Variants in EIF2AK4 observed in about 807,000 individuals in gnomAD.
EIF2AK4 encodes eIF-2-alpha kinase GCN2.
Under a neutral mutation model 211.1 loss-of-function variants are expected in EIF2AK4, and 139 were observed. That is an observed-to-expected ratio of 0.66 (90% CI 0.57 to 0.76). EIF2AK4 has a LOEUF of 0.76. Among genes scored for constraint, EIF2AK4 ranks in the 30% least tolerant of loss-of-function variants. The pLI is 0.00. For synonymous variants in EIF2AK4, 710 were observed against 751.3 expected, an observed-to-expected ratio of 0.94 and a Z score of 0.90; for missense variants, 1,664 against 2,043.8, an observed-to-expected ratio of 0.81 and a Z score of 3.58.
chr15:39,944,428 ATC>A (rs1241493218), intron 3 of EIF2AK4, among the ~76,000 whole-genome samples: 1 of 102,780 alleles, frequency 9.7e-6, no homozygotes, highest in African/African-American at 4.4e-5. Context: ...ATGTTTAACG[ATC>A]TCTTTTTTTT....
intron 10 of EIF2AK4, among the ~76,000 whole-genome samples, chr15:39,973,252 C>T (rs2140916518): frequency 6.6e-6 from 1 of 152,108 alleles, no homozygotes. Context: ...GTTTAGTCAC[C>T]CATAGTGCCA....
Position 39,963,659 on chromosome 15 carries a change from A to G in EIF2AK4, c.859+1760A>G, listed in dbSNP as rs529306810. 3.7e-3 allele frequency among the ~76,000 whole-genome samples: 558 copies of G among 152,334 alleles called. 4 individuals are homozygous for G. The highest frequency in any genetic ancestry group is 5.9e-3 in the Non-Finnish European group (399 of 68,030). On this transcript the variant is annotated intron_variant, in intron 7 of 38. Coordinates refer to ENST00000263791, the MANE Select transcript of EIF2AK4 (RefSeq NM_001013703.4). ...AGAGAACTTACTTATAGATATGACT[A>G]TAGCACTATAGAGACTGTCTGCATA...
At position 39,973,019 on chromosome 15, in the gene EIF2AK4, G is replaced by A; in HGVS notation, c.1660+5G>A. ...TAGTGGAACAAAGTCCTGAAGGTGAGTCTGTTACCTTTCTTTATTTGGTAA... is the reference window on the plus strand; with the variant it reads ...TAGTGGAACAAAGTCCTGAAGGTGAATCTGTTACCTTTCTTTATTTGGTAA... On this transcript the variant is annotated splice_donor_5th_base_variant and intron_variant, in intron 10 of 38. Transcript: ENST00000263791. 1 of 1,608,226 alleles carries A rather than the reference G, an allele frequency of 6.2e-7. No homozygotes were observed. The highest frequency in any genetic ancestry group is 8.5e-7 in the Non-Finnish European group (1 of 1,174,782).
rs182166837 is a variant in EIF2AK4, at chr15:40,017,531, A to G, written c.4065+289A>G. Among the ~76,000 whole-genome samples, 25 of 39,244 alleles carry G rather than the reference A, an allele frequency of 6.4e-4. 2 individuals carry two copies. The highest frequency in any genetic ancestry group is 4.8e-3 in the East Asian group (6 of 1,252). The allele number at this position is 39,244 out of a possible 152,430, so 25.7% of individuals were successfully genotyped here. A position where few individuals can be genotyped will look rare whatever the true frequency, so the allele number is the denominator to read the frequency against. The stretch of plus-strand genomic sequence containing the variant: ...TATATATATATATATATATATATAT[A>G]TATATATATATATATATATATATGT... On this transcript the variant is annotated intron_variant, in intron 29 of 38. Coordinates refer to ENST00000263791, the MANE Select transcript of EIF2AK4 (RefSeq NM_001013703.4).
At chr15:39,955,857 T>A (rs2034383818) in intron 6 of EIF2AK4, 89 bp downstream of exon 6, 1 of 1,415,868 alleles carries the variant, frequency 7.1e-7, no homozygotes, top group Non-Finnish European at 9.4e-7. Flanking sequence ...GATGGAAATT[T>A]CAGGCGATAG....
At chr15:40,028,497 G>A (rs956452593) in intron 33 of EIF2AK4, among the ~76,000 whole-genome samples, 2 of 152,086 alleles carry the variant, frequency 1.3e-5, no homozygotes, top group African/African-American at 2.4e-5. Flanking sequence ...ATCTAGGAGA[G>A]GCCAGGGATA....
At chr15:39,967,958 G>A in intron 9 of EIF2AK4, 79 bp downstream of exon 9, 2 of 1,432,134 alleles carry the variant, frequency 1.4e-6, no homozygotes, top group Non-Finnish European at 1.9e-6. Flanking sequence ...AGACATCTAA[G>A]TGATGTGGAA....
intron 18 of EIF2AK4, 132 bp downstream of exon 18, chr15:39,992,980 G>T: frequency 1.2e-6 from 1 of 827,066 alleles, no homozygotes; most frequent in Non-Finnish European, 2.0e-6. Context: ...AGGACTCATG[G>T]TCCTAAGGAT....
chr15:40,017,551 A>ATATATATGTATGTATG (rs71132134), intron 29 of EIF2AK4, among the ~76,000 whole-genome samples: 44 of 86,894 alleles, frequency 5.1e-4, no homozygotes, highest in Non-Finnish European at 7.4e-4. Flanking sequence ...ATATATATAT[A>ATATATATGTATGTATG]TATGTATTTT....
chr15:40,032,801 G>C lies in EIF2AK4; in HGVS notation c.4773G>C (p.Glu1591Asp). Residue 1591 changes from glutamate (E) to aspartate (D), a missense_variant and splice_region_variant, in exon 37 of 39, where the codon GAG becomes GAC. Glu to Asp is a conservative substitution (Grantham distance 45). Around this residue, in one of 7 missense-constraint regions of EIF2AK4, gnomAD observed 138 missense variants for 165.1 expected, o/e 0.84. Transcript: ENST00000263791. ...KETILQFLSLEWDADEQAFNT... is the reference protein window; with the variant it reads ...KETILQFLSLDWDADEQAFNT... Reference sequence around the variant, plus strand: ...CAATATTACAGTTTTTATCATTAGAGGTAAGCAATATGAACTCTTCTGCAC... The same window carrying C: ...CAATATTACAGTTTTTATCATTAGACGTAAGCAATATGAACTCTTCTGCAC... 6.2e-7 allele frequency: 1 copy of C among 1,613,032 alleles called. No homozygotes were observed. The highest frequency in any genetic ancestry group is 8.5e-7 in the Non-Finnish European group (1 of 1,179,612).
At chr15:40,017,023 T>C in intron 28 of EIF2AK4, 85 bp from the exon 29 acceptor site, 1 of 1,531,408 alleles carries the variant, frequency 6.5e-7, no homozygotes, top group Non-Finnish European at 9.0e-7. Context: ...CTGATGCTAT[T>C]GATGGGAAAC....
chr15:40,019,727 G>C (rs2035357359), intron 30 of EIF2AK4, among the ~76,000 whole-genome samples: 1 of 152,126 alleles, frequency 6.6e-6, no homozygotes, highest in African/African-American at 2.4e-5. Context: ...TTTCTTCCAT[G>C]AAACCAGTCC....
chr15:40,024,220 T>C (rs907226106), intron 32 of EIF2AK4, among the ~76,000 whole-genome samples: 55 of 147,278 alleles, frequency 3.7e-4, no homozygotes, highest in African/African-American at 1.4e-3. Flanking sequence ...TAACCTGTCT[T>C]TTTTTTTTAA....
At chr15:40,027,900 AC>A (rs1316715165) in intron 33 of EIF2AK4, among the ~76,000 whole-genome samples, 3 of 151,686 alleles carry the variant, frequency 2.0e-5, no homozygotes, top group African/African-American at 7.3e-5. Flanking sequence ...AAAAAAAAAA[AC>A]AAAAAGAACA....
intron 3 of EIF2AK4, chr15:39,946,910 T>G: frequency 1.1e-5 from 5 of 473,848 alleles, no homozygotes; most frequent in Non-Finnish European, 1.9e-5. Flanking sequence ...CATTGATTTC[T>G]ACAGACATAA....
intron 4 of EIF2AK4, among the ~76,000 whole-genome samples, chr15:39,952,321 T>C (rs1595545127): frequency 6.7e-6 from 1 of 149,880 alleles, no homozygotes; most frequent in East Asian, 2.0e-4. Flanking sequence ...GACAGCATCG[T>C]GCTCTGTCGC....
At chr15:39,978,303 C>T (rs1318447258) in intron 13 of EIF2AK4, 156 bp downstream of exon 13, 1 of 400,824 alleles carries the variant, frequency 2.5e-6, no homozygotes, top group Non-Finnish European at 4.4e-6. Flanking sequence ...TATATTCTAC[C>T]TGTGTTTATT....
At chr15:40,003,172 A>AT (rs2035115499) in intron 22 of EIF2AK4, 21 bp from the exon 23 acceptor site, 3 of 1,611,830 alleles carry the variant, frequency 1.9e-6, no homozygotes, top group Non-Finnish European at 1.7e-6. Context: ...ATGATGAGCT[A>AT]TTTTTTCTCA....
intron 19 of EIF2AK4, among the ~76,000 whole-genome samples, chr15:39,997,884 A>G (rs1001590406): frequency 6.6e-6 from 1 of 152,164 alleles, no homozygotes; most frequent in Non-Finnish European, 1.5e-5. Context: ...TGAGCGAGAC[A>G]TCTGGAGAGC....
Sources: gnomAD v4.1 joint callset for allele counts (sites outside exome capture counted in the v4.1 genomes callset) on GRCh38, gnomAD v4.1.1 for gene constraint, gnomAD v4.1.1 regional missense constraint, MANE v1.5 for transcripts, NCBI Gene and HGNC (gene_info 2026-07-23, HGNC 2026-07-21) for gene names.